UBE2E2: variants seen among roughly 807,000 people sequenced by gnomAD.
UBE2E2 encodes ubiquitin conjugating enzyme E2 E2.
UBE2E2 carries 6 observed loss-of-function variants against 24.7 expected under a neutral mutation model. That is an observed-to-expected ratio of 0.24 (90% confidence interval 0.13 to 0.48). The LOEUF (loss-of-function observed/expected upper bound fraction) is 0.48, where lower values mean the gene tolerates loss of function less well. Among genes scored for constraint, UBE2E2 ranks in the 20% least tolerant of loss-of-function variants. UBE2E2 has a pLI of 0.99. For missense variants in UBE2E2, 169 were observed against 245.0 expected (o/e 0.69, Z 2.07); for synonymous variants, 104 against 83.6 (o/e 1.24, Z -1.33).
chr3:23,353,632 C>T (rs1695835131), intron 3 of UBE2E2, among the ~76,000 whole-genome samples: 1 of 152,156 alleles, frequency 6.6e-6, no homozygotes, highest in South Asian at 2.1e-4. Context: ...AACTCCCATT[C>T]ACAGTTGCTT....
chr3:23,313,559 GT>G (rs1694475284), intron 3 of UBE2E2, among the ~76,000 whole-genome samples: 1 of 151,278 alleles, frequency 6.6e-6, no homozygotes, highest in South Asian at 2.1e-4. Context: ...TAATTTTTGT[GT>G]TTTTAGTAGA....
intron 3 of UBE2E2, among the ~76,000 whole-genome samples, chr3:23,456,404 C>T (rs1261317034): frequency 1.3e-5 from 2 of 152,152 alleles, no homozygotes; most frequent in Admixed American, 6.5e-5. Flanking sequence ...TTGACTTTGC[C>T]CAGATCCATC....
In UBE2E2 at chr3:23,337,645, G is replaced by A. The variant is rs149702201; in HGVS notation, c.227+120333G>A. 2.8e-4 allele frequency among the ~76,000 whole-genome samples: 43 copies of A among 152,196 alleles called. No individual in the cohort carries two copies. The East Asian group carries it at 3.7e-3, about 13-fold the overall frequency. On this transcript the variant is annotated intron_variant, in intron 3 of 5. Transcript: ENST00000396703. The stretch of plus-strand genomic sequence containing the variant: ...ATATAAGAGTTAGCAGGACTAAGGC[G>A]GGGATGTAGGGAGAAGGAGTACTTA...
At chr3:23,388,599 T>G (rs1326415381) in intron 3 of UBE2E2, among the ~76,000 whole-genome samples, 1 of 152,252 alleles carries the variant, frequency 6.6e-6, no homozygotes, top group Admixed American at 6.5e-5. Flanking sequence ...CTAATGCTAA[T>G]GAAATATTTC....
chr3:23,225,874 T>G (rs1479892989), intron 3 of UBE2E2, among the ~76,000 whole-genome samples: 1 of 82,488 alleles, frequency 1.2e-5, no homozygotes, highest in Admixed American at 1.2e-4. Flanking sequence ...GAAGAAAGTG[T>G]TTTTTTTTTT....
At chr3:23,216,041 A>C (rs1696467531) in intron 2 of UBE2E2, among the ~76,000 whole-genome samples, 1 of 152,202 alleles carries the variant, frequency 6.6e-6, no homozygotes, top group South Asian at 2.1e-4. Context: ...TCTATTTTAC[A>C]GGACGGAAAA....
intron 3 of UBE2E2, among the ~76,000 whole-genome samples, chr3:23,420,306 C>G (rs1468710449): frequency 2.0e-5 from 3 of 152,140 alleles, no homozygotes; most frequent in Non-Finnish European, 2.9e-5. Flanking sequence ...AGAAGGAACT[C>G]TATAAATAAT....
intron 5 of UBE2E2, among the ~76,000 whole-genome samples, chr3:23,551,998 C>T (rs1008509530): frequency 1.6e-4 from 25 of 152,312 alleles, no homozygotes; most frequent in African/African-American, 5.8e-4. Context: ...CTCTGTCTTT[C>T]TGCCTTGTGA....
intron 4 of UBE2E2, among the ~76,000 whole-genome samples, chr3:23,524,359 A>C (rs930364181): frequency 6.6e-6 from 1 of 152,148 alleles, no homozygotes; most frequent in Non-Finnish European, 1.5e-5. Context: ...TAGGGGATGT[A>C]AGAGAAGGGA....
In UBE2E2 at chr3:23,568,983, A is replaced by G. The variant is rs140260191; in HGVS notation, c.509-20751A>G. ...ACCAAGCAATCCTACAACTAAATAT[A>G]TACCCAAGAGAAATAAAAACATATG... On this transcript the variant is annotated intron_variant, in intron 5 of 5. Coordinates refer to ENST00000396703, the MANE Select transcript of UBE2E2 (RefSeq NM_152653.4). Among the ~76,000 whole-genome samples, 22 of 152,146 alleles carry G rather than the reference A, an allele frequency of 1.4e-4. No homozygotes were observed. In the South Asian group the frequency reaches 2.1e-3, roughly 14 times the overall value.
intron 5 of UBE2E2, among the ~76,000 whole-genome samples, chr3:23,533,293 C>T (rs1398399709): frequency 6.6e-6 from 1 of 152,126 alleles, no homozygotes; most frequent in Non-Finnish European, 1.5e-5. Context: ...TTCTTAATTC[C>T]TGGGCCATGT....
chr3:23,232,089 C>T (rs781507609), intron 3 of UBE2E2, among the ~76,000 whole-genome samples: 2 of 152,184 alleles, frequency 1.3e-5, no homozygotes, highest in Non-Finnish European at 2.9e-5. Flanking sequence ...TGATCTTAAG[C>T]TTCAGTCCCC....
chr3:23,586,541 T>C (rs1024565424), intron 5 of UBE2E2, among the ~76,000 whole-genome samples: 1 of 152,124 alleles, frequency 6.6e-6, no homozygotes, highest in African/African-American at 2.4e-5. Context: ...CAAGCTGTCC[T>C]CCACCCTCAG....
intron 3 of UBE2E2, among the ~76,000 whole-genome samples, chr3:23,495,447 A>G (rs933998730): frequency 6.6e-6 from 1 of 152,178 alleles, no homozygotes; most frequent in Non-Finnish European, 1.5e-5. Flanking sequence ...CCATTTTAAG[A>G]TTTCTTAAAG....
chr3:23,382,201 A>G (rs545662591), intron 3 of UBE2E2, among the ~76,000 whole-genome samples: 5 of 11,136 alleles, frequency 4.5e-4, no homozygotes, highest in African/African-American at 2.0e-3. Flanking sequence ...TTTTTTTTTG[A>G]GACGAAGTCT....
At chr3:23,522,040 C>T (rs1172521147) in intron 4 of UBE2E2, among the ~76,000 whole-genome samples, 6 of 152,116 alleles carry the variant, frequency 3.9e-5, no homozygotes, top group Non-Finnish European at 5.9e-5. Context: ...GTGGAACAGC[C>T]GTTTTTAAAT....
chr3:23,580,097 TCTA>T (rs1439526557), intron 5 of UBE2E2, among the ~76,000 whole-genome samples: 3 of 152,226 alleles, frequency 2.0e-5, no homozygotes, highest in Non-Finnish European at 4.4e-5. Context: ...TAAGATGAAA[TCTA>T]CTGGTGAAGA....
intron 2 of UBE2E2, among the ~76,000 whole-genome samples, chr3:23,212,082 A>G (rs1696341879): frequency 1.3e-5 from 2 of 152,242 alleles, no homozygotes; most frequent in African/African-American, 4.8e-5. Flanking sequence ...AGAATTAATA[A>G]TTGTAATGCA....
chr3:23,239,027 C>A (rs1218900547), intron 3 of UBE2E2, among the ~76,000 whole-genome samples: 1 of 152,146 alleles, frequency 6.6e-6, no homozygotes, highest in Non-Finnish European at 1.5e-5. Flanking sequence ...TGTTGAGTAA[C>A]TGAAATGTAT....
Sources: gnomAD v4.1 joint callset for allele counts (sites outside exome capture counted in the v4.1 genomes callset) on GRCh38, gnomAD v4.1.1 for gene constraint, MANE v1.5 for transcripts, NCBI Gene and HGNC (gene_info 2026-07-23, HGNC 2026-07-21) for gene names.